The following GFRA1 variants were observed in gnomAD, a reference collection of about 807,000 sequenced individuals.
The protein encoded by GFRA1 is GDNF family receptor alpha 1, also known as GDNF family receptor alpha-1.
A neutral mutation model predicts 51.6 loss-of-function variants in GFRA1; 16 were observed. The ratio of observed to expected loss-of-function variants is 0.31; its 90% CI spans 0.21 to 0.47. The LOEUF (loss-of-function observed/expected upper bound fraction) is 0.47, where lower values mean the gene tolerates loss of function less well. GFRA1 is among the 20% of genes least tolerant of loss of function. GFRA1 has a pLI of 1.00. For missense variants in GFRA1, 530 were observed against 594.3 expected (o/e 0.89, Z 1.13); for synonymous variants, 270 against 241.3 (o/e 1.12, Z -1.10).
At chr10:116,173,737 A>C (rs560770791) in intron 5 of GFRA1, among the ~76,000 whole-genome samples, 99 of 152,318 alleles carry the variant, frequency 6.5e-4, no homozygotes, top group Non-Finnish European at 1.2e-3. Context: ...GTTTTCTGAT[A>C]TATATCTGTT....
chr10:116,138,641 C>T (rs1387444107), intron 5 of GFRA1, among the ~76,000 whole-genome samples: 2 of 139,866 alleles, frequency 1.4e-5, no homozygotes, highest in African/African-American at 2.6e-5. Context: ...AGGAACCCCC[C>T]CCCGACCCAC....
chr10:116,162,208 G>T (rs371638106), intron 5 of GFRA1, among the ~76,000 whole-genome samples: 40 of 152,334 alleles, frequency 2.6e-4, no homozygotes, highest in Admixed American at 4.6e-4. Context: ...AGGCAGCGGA[G>T]CCAGGCCTGA....
At chr10:116,273,692 TCTCACACACACA>T (rs1565697640), upstream of GFRA1, among the ~76,000 whole-genome samples, 17 of 147,618 alleles carry the variant, frequency 1.2e-4, no homozygotes, top group Non-Finnish European at 1.6e-4. Flanking sequence ...TCTCTCTCTC[TCTCACACACACA>T]CACAGACACA....
intron 5 of GFRA1, among the ~76,000 whole-genome samples, chr10:116,140,829 C>T (rs1209954181): frequency 6.6e-6 from 1 of 152,176 alleles, no homozygotes; most frequent in African/African-American, 2.4e-5. Flanking sequence ...CCTACATGGT[C>T]TTCTAAGGAA....
chr10:116,080,862 T>A (rs1955820360), intron 9 of GFRA1, among the ~76,000 whole-genome samples: 1 of 152,166 alleles, frequency 6.6e-6, no homozygotes. Context: ...AATGATTCAA[T>A]CAATAGTGCC....
At chr10:116,079,694 A>G (rs746706466) in intron 9 of GFRA1, among the ~76,000 whole-genome samples, 1 of 152,084 alleles carries the variant, frequency 6.6e-6, no homozygotes, top group Admixed American at 6.5e-5. Flanking sequence ...CCCCGTAACA[A>G]TTTTGCAGAC....
chr10:116,271,998 G>A lies in GFRA1; in HGVS notation c.32C>T (p.Pro11Leu). The A allele has an allele frequency of 6.4e-7, 1 of 1,557,270 alleles. No homozygotes were observed. Among genetic ancestry groups the A allele is most frequent in the Non-Finnish European group, 8.7e-7 (1 of 1,150,996 alleles). MFLATLYFAL[P>L]LLDLLLSAEV... is the part of the protein sequence containing the mutation. ...GGCGGGCCTCGACTTACCCAAGAGC[G>A]GCAGCGCGAAGTACAGGGTCGCCAG... The change falls in exon 2 of 11, where the codon CCG becomes CTG. Residue 11 changes from proline (P) to leucine (L), a missense_variant. Coordinates refer to ENST00000355422, the MANE Select transcript of GFRA1 (RefSeq NM_005264.8).
At chr10:116,223,889 AG>A (rs757387738) in intron 4 of GFRA1, among the ~76,000 whole-genome samples, 1 of 152,230 alleles carries the variant, frequency 6.6e-6, no homozygotes, top group Non-Finnish European at 1.5e-5. Context: ...CCTGAAAAAA[AG>A]GGATTCCAGC....
chr10:116,089,641 G>C, intron 9 of GFRA1, 100 bp downstream of exon 9: 1 of 996,878 alleles, frequency 1.0e-6, no homozygotes, highest in Non-Finnish European at 1.6e-6. Flanking sequence ...AGCAGCATTC[G>C]TCATCTCTCT....
Position 116,063,481 on chromosome 10 carries a change from CA to C in GFRA1, c.*916del, listed in dbSNP as rs1954923976. The C allele has an allele frequency of 6.6e-6, 1 of 152,098 alleles. No individual in the cohort carries two copies. The highest frequency in any genetic ancestry group is 6.5e-5 in the Admixed American group (1 of 15,268). 9.4% of individuals were successfully genotyped at this position (152,098 alleles called of 1,614,324 possible). Reference sequence around the variant, plus strand: ...CTCTGTGTATTTTGTATTAAACCATCAGTAAAAAAATGAGACAATATCATTA... The same window carrying C: ...CTCTGTGTATTTTGTATTAAACCATCGTAAAAAAATGAGACAATATCATTA... On this transcript the variant is annotated 3_prime_UTR_variant, in exon 11 of 11. Coordinates refer to ENST00000355422, the MANE Select transcript of GFRA1 (RefSeq NM_005264.8).
At chr10:116,101,912 T>C (rs936173226) in intron 6 of GFRA1, among the ~76,000 whole-genome samples, 3 of 152,218 alleles carry the variant, frequency 2.0e-5, no homozygotes, top group Admixed American at 6.5e-5. Flanking sequence ...ATACAGTCTA[T>C]GGAATGCTCA....
intron 7 of GFRA1, 24 bp downstream of exon 7, chr10:116,096,631 C>A: frequency 7.8e-7 from 1 of 1,281,090 alleles, no homozygotes; most frequent in South Asian, 1.2e-5. Context: ...ACTCTTCTCC[C>A]ATCCTGCTTC....
At chr10:116,232,820 GC>G (rs1309298177) in intron 4 of GFRA1, among the ~76,000 whole-genome samples, 7 of 152,008 alleles carry the variant, frequency 4.6e-5, no homozygotes, top group African/African-American at 1.7e-4. Context: ...CCAGGCTGAG[GC>G]CCCGTCTTTG....
At position 116,096,759 on chromosome 10, in the gene GFRA1, C is replaced by T. The variant is rs1184814248; in HGVS notation, c.776G>A (p.Arg259His). 3.8e-6 allele frequency: 6 copies of T among 1,590,324 alleles called. No homozygotes were observed. The highest frequency in any genetic ancestry group is 1.7e-5 in the Admixed American group (1 of 59,858). The change falls in exon 7 of 11, where the codon CGC becomes CAC. Residue 259 changes from arginine to histidine, a missense_variant. Physicochemically the swap from Arg to His is conservative, Grantham distance 29 (BLOSUM62 0). Transcript: ENST00000355422. ...GCAGTTGGTAAAAAAATCCGCAAGG[C>T]GAGATCTACAATAGGAAAAAAGGGG... is the stretch of plus-strand genomic sequence containing the variant. ...SCKTNYICRSRLADFFTNCQP... is the reference protein window; with the variant it reads ...SCKTNYICRSHLADFFTNCQP...
At chr10:116,148,525 A>G (rs1958931392) in intron 5 of GFRA1, among the ~76,000 whole-genome samples, 1 of 152,156 alleles carries the variant, frequency 6.6e-6, no homozygotes, top group South Asian at 2.1e-4. Context: ...GGTTGTTTTA[A>G]TGATTAAATG....
At chr10:116,072,272 C>A (rs144252611) in intron 9 of GFRA1, among the ~76,000 whole-genome samples, 1 of 152,046 alleles carries the variant, frequency 6.6e-6, no homozygotes, top group Non-Finnish European at 1.5e-5. Flanking sequence ...GAGTGAGGGG[C>A]ACTTGTGGGT....
chr10:116,162,316 C>G (rs1959905537), intron 5 of GFRA1, among the ~76,000 whole-genome samples: 1 of 152,188 alleles, frequency 6.6e-6, no homozygotes, highest in Non-Finnish European at 1.5e-5. Flanking sequence ...CGAAAGGACC[C>G]ACGAGAGCAT....
intron 9 of GFRA1, among the ~76,000 whole-genome samples, chr10:116,068,392 T>C (rs150313110): frequency 2.7e-3 from 411 of 152,344 alleles, no homozygotes; most frequent in African/African-American, 9.6e-3. Context: ...AATCAAAGGA[T>C]TGCATATAGG....
At chr10:116,082,629 T>C (rs971424054) in intron 9 of GFRA1, among the ~76,000 whole-genome samples, 1 of 152,084 alleles carries the variant, frequency 6.6e-6, no homozygotes, top group Admixed American at 6.6e-5. Flanking sequence ...TACAGGCATG[T>C]GCCACCATGC....
Sources: allele counts gnomAD v4.1 joint callset (sites outside exome capture counted in the v4.1 genomes callset), GRCh38; gene constraint gnomAD v4.1.1; transcripts MANE v1.5; gene names NCBI Gene and HGNC (gene_info 2026-07-23, HGNC 2026-07-21).